The following FGD4 variants were observed in gnomAD, a reference collection of about 807,000 sequenced individuals.
FGD4 encodes the protein FYVE, RhoGEF and PH domain containing 4.
In FGD4, 42 loss-of-function variants were observed where a neutral mutation model predicts 102.0. The ratio of observed to expected loss-of-function variants is 0.41; its 90% CI spans 0.32 to 0.53. FGD4 has a LOEUF of 0.53. FGD4 is among the 20% of genes least tolerant of loss of function. FGD4 has a pLI of 0.21. For missense variants in FGD4, 902 were observed against 1,078.2 expected, an observed-to-expected ratio of 0.84 and a Z score of 2.29; for synonymous variants, 380 against 375.7, an observed-to-expected ratio of 1.01 and a Z score of -0.13.
chr12:32,645,407 C>G lies in FGD4; in HGVS notation c.*4874C>G, dbSNP rs1237041567. The stretch of plus-strand genomic sequence containing the variant: ...CCTGTAATCCCAGCCCTTGGGAGGC[C>G]GAGGTGGGCAGATCACTTCAGGTCA... On this transcript the variant is annotated 3_prime_UTR_variant, in exon 17 of 17. Transcript: ENST00000534526. 1 of 151,830 alleles carries G rather than the reference C, an allele frequency of 6.6e-6. No homozygotes were observed. Among genetic ancestry groups the G allele is most frequent in the Non-Finnish European group, 1.5e-5 (1 of 67,974 alleles). 9.4% of individuals were successfully genotyped at this position (151,830 alleles called of 1,614,324 possible).
At chr12:32,612,571 T>C (rs1234519412) in intron 10 of FGD4, among the ~76,000 whole-genome samples, 4 of 152,222 alleles carry the variant, frequency 2.6e-5, no homozygotes, top group Admixed American at 1.3e-4. Context: ...ACGTGGGATA[T>C]GATACTTTCG....
chr12:32,496,183 A>G (rs7311487), intron 1 of FGD4, among the ~76,000 whole-genome samples: 3,550 of 152,312 alleles, frequency 0.023, 92 homozygotes, highest in South Asian at 0.094. Flanking sequence ...ACTTTGACCT[A>G]AAGCTATAGT....
At chr12:32,552,643 G>A (rs866412595) in intron 1 of FGD4, among the ~76,000 whole-genome samples, 18 of 151,974 alleles carry the variant, frequency 1.2e-4, no homozygotes, top group Middle Eastern at 6.8e-3. Flanking sequence ...CATGGAACTC[G>A]GGCAGTAGTG....
rs66646521 is a variant in FGD4, at chr12:32,552,434, A to ATTTTTTTTTTT, written c.167-11688_167-11678dup. ...GCCGCCATGCCCGACTAATTTTTGC[A>ATTTTTTTTTTT]TTTTTTTTTTTTTTTTTTTTTTTTT... is the stretch of plus-strand genomic sequence containing the variant. On this transcript the variant is annotated intron_variant, in intron 1 of 16. Transcript: ENST00000534526. Among the ~76,000 whole-genome samples the ATTTTTTTTTTT allele has an allele frequency of 6.6e-5, 8 of 120,962 alleles. 1 individual carries two copies. Among genetic ancestry groups the ATTTTTTTTTTT allele is most frequent in the East Asian group, 5.5e-4 (2 of 3,636 alleles). The allele number at this position is 120,962 out of a possible 152,430, so 79.4% of individuals were successfully genotyped here. A position where few individuals can be genotyped will look rare whatever the true frequency, so the allele number is the denominator to read the frequency against.
chr12:32,561,992 A>G (rs1331446398), intron 1 of FGD4, among the ~76,000 whole-genome samples: 1 of 152,032 alleles, frequency 6.6e-6, no homozygotes, highest in African/African-American at 2.4e-5. Flanking sequence ...CTAGTGGGCG[A>G]GAGGGTGTGT....
intron 1 of FGD4, among the ~76,000 whole-genome samples, chr12:32,491,132 T>TAAAAAAAAA (rs72008264): frequency 5.6e-5 from 6 of 106,560 alleles, no homozygotes; most frequent in Admixed American, 1.1e-4. Context: ...TTCTGCCAGT[T>TAAAAAAAAA]AAAAAAAAAA....
chr12:32,502,226 T>C (rs1006333624), intron 1 of FGD4: 1 of 985,492 alleles, frequency 1.0e-6, no homozygotes. Context: ...TTATCTGCAA[T>C]GGACCGGGTT....
chr12:32,604,936 CTTTTTT>C (rs575943561), intron 7 of FGD4, among the ~76,000 whole-genome samples: 11 of 94,524 alleles, frequency 1.2e-4, no homozygotes, highest in African/African-American at 5.5e-4. Context: ...TTTATAGCTG[CTTTTTT>C]TTTTTTTTTT....
chr12:32,453,235 ATATT>A (rs1942856577), intron 1 of FGD4, among the ~76,000 whole-genome samples: 17 of 49,778 alleles, frequency 3.4e-4, no homozygotes, highest in East Asian at 8.2e-4. Flanking sequence ...AGATATATAT[ATATT>A]TTTTTTTTTT....
chr12:32,424,609 CA>C (rs1463552066), intron 1 of FGD4, among the ~76,000 whole-genome samples: 1 of 152,118 alleles, frequency 6.6e-6, no homozygotes. Flanking sequence ...CTGGGTCAAA[CA>C]GTATTTCTGG....
chr12:32,430,505 A>G (rs1165373180), intron 1 of FGD4, among the ~76,000 whole-genome samples: 3 of 152,178 alleles, frequency 2.0e-5, no homozygotes, highest in Non-Finnish European at 1.5e-5. Context: ...TTGAAGTTAT[A>G]TGAATAATCT....
At chr12:32,592,362 A>G (rs1348589143) in intron 4 of FGD4, among the ~76,000 whole-genome samples, 1 of 152,026 alleles carries the variant, frequency 6.6e-6, no homozygotes, top group Non-Finnish European at 1.5e-5. Context: ...TTTTTGAAAA[A>G]CTATAAATTA....
At chr12:32,456,866 TC>T (rs916767484) in intron 1 of FGD4, among the ~76,000 whole-genome samples, 5 of 152,212 alleles carry the variant, frequency 3.3e-5, no homozygotes, top group African/African-American at 1.2e-4. Flanking sequence ...GTCTGTGACT[TC>T]CATCTCCCCT....
Position 32,570,692 on chromosome 12 carries a change from C to T in FGD4, c.320-5574C>T, listed in dbSNP as rs1351535360. On this transcript the variant is annotated intron_variant, in intron 2 of 16. Transcript: ENST00000534526. ...CTGACCTCAGGTGAGCCACCTGCCT[C>T]GGCCTCCCAAAGTGCTAGGATTACA... is the stretch of plus-strand genomic sequence containing the variant. Among the ~76,000 whole-genome samples, 18 of 152,148 alleles carry T rather than the reference C, an allele frequency of 1.2e-4. 1 individual carries two copies. The highest frequency in any genetic ancestry group is 4.6e-4 in the Admixed American group (7 of 15,282).
intron 2 of FGD4, among the ~76,000 whole-genome samples, chr12:32,569,626 A>G (rs1945476958): frequency 6.6e-6 from 1 of 152,096 alleles, no homozygotes; most frequent in Non-Finnish European, 1.5e-5. Flanking sequence ...GATGGTATTT[A>G]TCTTGTTCTT....
At position 32,536,310 on chromosome 12, in the gene FGD4, GTTC is replaced by G. The variant is rs535821607; in HGVS notation, c.167-27821_167-27819del. 2.4e-4 allele frequency among the ~76,000 whole-genome samples: 36 copies of G among 152,292 alleles called. 1 individual carries two copies. In the South Asian group the frequency reaches 7.5e-3, roughly 32 times the overall value. ...TAGGATTAAGATTTAAATTTAATCA[GTTC>G]TTCTTAGATACTAGAATAGACTTGA... On this transcript the variant is annotated intron_variant, in intron 1 of 16. Transcript: ENST00000534526.
At chr12:32,472,682 G>A (rs1436861978) in intron 1 of FGD4, among the ~76,000 whole-genome samples, 3 of 152,090 alleles carry the variant, frequency 2.0e-5, no homozygotes, top group Admixed American at 2.0e-4. Flanking sequence ...TGCGAGTGCG[G>A]GGCGCAGGAC....
chr12:32,452,291 C>T (rs1261620673), intron 1 of FGD4, among the ~76,000 whole-genome samples: 1 of 152,094 alleles, frequency 6.6e-6, no homozygotes, highest in Non-Finnish European at 1.5e-5. Flanking sequence ...ATTCTCATTG[C>T]CAGTAAGTAC....
rs2136769216 is a variant in FGD4 at position 32,611,264 on chromosome 12, A to G, written c.1730A>G (p.Gln577Arg). ...CTAGCTGCTCGGAACACTTCAGCAC[A>G]AGAACGCTACCTTTTCTTAGTGAGT... ...LKLAARNTSA[Q>R]ERYLFLFNNM... The change falls in exon 10 of 17, where the codon CAA (glutamine) becomes CGA (arginine). Residue 577 changes from glutamine to arginine, a missense_variant. By Grantham distance (43) the Gln-to-Arg change is conservative. Around this residue, in one of 2 missense-constraint regions of FGD4, gnomAD observed 459 missense variants for 619.0 expected, o/e 0.74. Transcript: ENST00000534526. 3.7e-6 allele frequency: 6 copies of G among 1,614,222 alleles called. No individual in the cohort carries two copies. The highest frequency in any genetic ancestry group is 5.1e-6 in the Non-Finnish European group (6 of 1,180,034).
Sources: gnomAD v4.1 joint callset for allele counts (sites outside exome capture counted in the v4.1 genomes callset) on GRCh38, gnomAD v4.1.1 for gene constraint, gnomAD v4.1.1 regional missense constraint, MANE v1.5 for transcripts, NCBI Gene and HGNC (gene_info 2026-07-23, HGNC 2026-07-21) for gene names.